TENM2: variants seen among roughly 807,000 people sequenced by gnomAD.
TENM2 encodes the protein teneurin transmembrane protein 2, also known as teneurin-2.
In TENM2, 52 loss-of-function variants were observed where a neutral mutation model predicts 245.2. The observed-to-expected ratio is 0.21, with a 90% CI of 0.17 to 0.27. The LOEUF is 0.27. TENM2 is among the 10% of genes least tolerant of loss of function. The pLI is 1.00. For synonymous variants in TENM2, 1,363 were observed against 1,438.9 expected, an observed-to-expected ratio of 0.95 and a Z score of 1.19; for missense variants, 3,046 against 3,666.8, an observed-to-expected ratio of 0.83 and a Z score of 4.37.
At chr5:167,315,067 A>G (rs534222858) in intron 1 of TENM2, among the ~76,000 whole-genome samples, 41 of 152,078 alleles carry the variant, frequency 2.7e-4, no homozygotes, top group Admixed American at 9.8e-4. Flanking sequence ...TCCACTTTTT[A>G]CTATAATAAA....
At chr5:167,595,074 G>C (rs1265528097) in intron 2 of TENM2, among the ~76,000 whole-genome samples, 1 of 152,126 alleles carries the variant, frequency 6.6e-6, no homozygotes, top group African/African-American at 2.4e-5. Flanking sequence ...TTCATTTGGA[G>C]AACATCAGTT....
chr5:167,868,151 T>G (rs1772489290), intron 2 of TENM2, among the ~76,000 whole-genome samples: 1 of 152,184 alleles, frequency 6.6e-6, no homozygotes, highest in Non-Finnish European at 1.5e-5. Context: ...TTCTGTGTTG[T>G]GGGAAGTTGT....
the TENM2 span, among the ~76,000 whole-genome samples, chr5:167,208,131 T>A: frequency 2.0e-4 from 30 of 152,294 alleles, no homozygotes; most frequent in Middle Eastern, 3.4e-3. Context: ...TGTAATCAAC[T>A]TACGTGAGAG....
At chr5:167,800,611 G>A (rs982922287) in intron 2 of TENM2, among the ~76,000 whole-genome samples, 13 of 152,254 alleles carry the variant, frequency 8.5e-5, no homozygotes, top group Admixed American at 8.5e-4. Context: ...TTCAAGTCTT[G>A]CAGCATGCAT....
At chr5:167,435,413 C>T (rs28463574) in intron 2 of TENM2, among the ~76,000 whole-genome samples, 39,516 of 152,128 alleles carry the variant, frequency 0.26, 5,936 homozygotes, top group African/African-American at 0.4. Flanking sequence ...TTTTGCTTGA[C>T]TCTCATTCTC....
intron 2 of TENM2, among the ~76,000 whole-genome samples, chr5:167,407,880 A>G (rs1444847995): frequency 6.6e-6 from 1 of 152,200 alleles, no homozygotes; most frequent in Non-Finnish European, 1.5e-5. Context: ...TTTATTTCCA[A>G]CTTCACTCAA....
chr5:167,762,353 T>G (rs1762736418), intron 2 of TENM2, among the ~76,000 whole-genome samples: 1 of 152,198 alleles, frequency 6.6e-6, no homozygotes, highest in African/African-American at 2.4e-5. Flanking sequence ...GCGTAAAGCA[T>G]CAAAGCTTCT....
chr5:168,105,264 G>A (rs1562164145), intron 9 of TENM2, among the ~76,000 whole-genome samples: 1 of 152,214 alleles, frequency 6.6e-6, no homozygotes, highest in African/African-American at 2.4e-5. Context: ...GCAGAGGGCT[G>A]TGTAGGACCA....
At chr5:167,212,391 G>T in the TENM2 span, among the ~76,000 whole-genome samples, 2 of 152,124 alleles carry the variant, frequency 1.3e-5, no homozygotes, top group East Asian at 1.9e-4. Context: ...AAATAAATGT[G>T]CCGCACAGAT....
At chr5:168,100,233 A>G (rs1793696618) in intron 9 of TENM2, among the ~76,000 whole-genome samples, 1 of 152,196 alleles carries the variant, frequency 6.6e-6, no homozygotes, top group Non-Finnish European at 1.5e-5. Context: ...TCAGGAAACA[A>G]CAGATGCTGG....
intron 2 of TENM2, among the ~76,000 whole-genome samples, chr5:167,419,678 C>CA (rs1763375912): frequency 6.6e-6 from 1 of 152,146 alleles, no homozygotes; most frequent in Non-Finnish European, 1.5e-5. Flanking sequence ...ATTCTAGAGT[C>CA]AGACAGGCCT....
intron 2 of TENM2, among the ~76,000 whole-genome samples, chr5:167,822,121 T>C (rs1441162881): frequency 6.6e-6 from 1 of 152,090 alleles, no homozygotes; most frequent in Non-Finnish European, 1.5e-5. Context: ...CAGCAAACCT[T>C]CCACTCTTTG....
intron 2 of TENM2, among the ~76,000 whole-genome samples, chr5:167,782,104 G>T (rs1239814329): frequency 6.6e-6 from 1 of 151,850 alleles, no homozygotes; most frequent in Non-Finnish European, 1.5e-5. Context: ...ACCTGAGGTT[G>T]GGAGTTCGAG....
At chr5:167,121,467 A>G in the TENM2 span, among the ~76,000 whole-genome samples, 9 of 152,328 alleles carry the variant, frequency 5.9e-5, no homozygotes, top group East Asian at 3.9e-4. Context: ...TAAAGCTAAA[A>G]GTAGCTTGAG....
rs575027495 is a variant in TENM2, at chr5:167,536,692, G to A, written c.502+161219G>A. On this transcript the variant is annotated intron_variant, in intron 2 of 28. Transcript: ENST00000518659. ...GCTTGCCCTAAGGCCTCAGACTTAC[G>A]GTTGATGAGAGACTATTTGTCTAGT... Among the ~76,000 whole-genome samples the A allele has an allele frequency of 2.5e-4, 38 of 152,056 alleles. 1 individual carries two copies. Among genetic ancestry groups the A allele is most frequent in the African/African-American group, 8.9e-4 (37 of 41,408 alleles).
the TENM2 span, among the ~76,000 whole-genome samples, chr5:167,097,216 G>A: frequency 2.0e-4 from 30 of 152,082 alleles, no homozygotes; most frequent in Admixed American, 2.0e-3. Flanking sequence ...TTTTAAAGAC[G>A]ATTTGATCGA....
At chr5:167,240,111 T>C in the TENM2 span, among the ~76,000 whole-genome samples, 1 of 152,212 alleles carries the variant, frequency 6.6e-6, no homozygotes, top group South Asian at 2.1e-4. Context: ...TTATTGAAGT[T>C]TTCCTAAAAA....
chr5:167,533,243 G>A (rs1165298625), intron 2 of TENM2, among the ~76,000 whole-genome samples: 1 of 152,090 alleles, frequency 6.6e-6, no homozygotes. Flanking sequence ...CAGTGGATTC[G>A]GGTGAGGAAA....
intron 2 of TENM2, among the ~76,000 whole-genome samples, chr5:167,428,739 G>C (rs188770216): frequency 5.9e-5 from 9 of 152,232 alleles, no homozygotes; most frequent in Admixed American, 5.9e-4. Context: ...AGCATTTTCT[G>C]TATCCCAGGT....
Sources: gnomAD v4.1 joint callset for allele counts (sites outside exome capture counted in the v4.1 genomes callset) on GRCh38, gnomAD v4.1.1 for gene constraint, MANE v1.5 for transcripts, NCBI Gene and HGNC (gene_info 2026-07-23, HGNC 2026-07-21) for gene names.